The following CERT1 variants were observed in gnomAD, a reference collection of about 807,000 sequenced individuals.
CERT1 encodes ceramide transfer protein.
A neutral mutation model predicts 87.9 loss-of-function variants in CERT1; 31 were observed. The ratio of observed to expected loss-of-function variants is 0.35; its 90% confidence interval spans 0.27 to 0.48. The LOEUF is 0.48. Among genes scored for constraint, CERT1 ranks in the 20% least tolerant of loss-of-function variants. The probability of loss-of-function intolerance (pLI) is 0.99; values close to 1 mark genes in which losing one functional copy is unlikely to be tolerated. For missense variants in CERT1, 487 were observed against 758.0 expected (o/e 0.64, Z 4.20); for synonymous variants, 289 against 250.9 (o/e 1.15, Z -1.44).
intron 3 of CERT1, among the ~76,000 whole-genome samples, chr5:75,445,193 T>C (rs1368314247): frequency 6.6e-6 from 1 of 152,244 alleles, no homozygotes; most frequent in Non-Finnish European, 1.5e-5. Flanking sequence ...AATTGTGTTC[T>C]TAAACATGTA....
At chr5:75,383,693 T>C (rs1398177504) in intron 14 of CERT1, among the ~76,000 whole-genome samples, 1 of 150,634 alleles carries the variant, frequency 6.6e-6, no homozygotes, top group African/African-American at 2.4e-5. Flanking sequence ...TGTTTTCATA[T>C]ACTGCACTCA....
At chr5:75,498,683 A>G (rs1767193617) in intron 2 of CERT1, among the ~76,000 whole-genome samples, 1 of 152,236 alleles carries the variant, frequency 6.6e-6, no homozygotes, top group Non-Finnish European at 1.5e-5. Context: ...AAACACCTGG[A>G]TGTCCAGGCA....
intron 2 of CERT1, among the ~76,000 whole-genome samples, chr5:75,494,766 T>C (rs1474306162): frequency 6.6e-6 from 1 of 152,214 alleles, no homozygotes; most frequent in Admixed American, 6.5e-5. Flanking sequence ...GACCATTTGT[T>C]TTCCAGTTTC....
chr5:75,490,298 A>C (rs576718384), intron 2 of CERT1, among the ~76,000 whole-genome samples: 1 of 150,142 alleles, frequency 6.7e-6, no homozygotes, highest in East Asian at 2.0e-4. Context: ...ATACCTATGT[A>C]ACAAACCTGC....
chr5:75,385,699 G>A (rs1386512024), intron 13 of CERT1, among the ~76,000 whole-genome samples: 1 of 152,158 alleles, frequency 6.6e-6, no homozygotes, highest in Non-Finnish European at 1.5e-5. Flanking sequence ...TAGGATTACT[G>A]AGGTTATTGG....
chr5:75,368,667 C>T (rs1433967402), intron 17 of CERT1: 2 of 152,196 alleles, frequency 1.3e-5, no homozygotes, highest in African/African-American at 2.4e-5. Flanking sequence ...AGCTGGAGGA[C>T]AGGAAGAAAG....
At position 75,424,253 on chromosome 5, in the gene CERT1, T is replaced by C. The variant is rs545146273; in HGVS notation, c.595+1108A>G. Reference sequence around the variant, plus strand: ...TTCCATTTCTATTACTGATTCTTCTTCTATGAGAAAAAGGGTAGAGAAAGG... The same window carrying C: ...TTCCATTTCTATTACTGATTCTTCTCCTATGAGAAAAAGGGTAGAGAAAGG... On this transcript the variant is annotated intron_variant, in intron 5 of 16. Coordinates refer to ENST00000643780, the MANE Select transcript of CERT1 (RefSeq NM_001379029.1). Among the ~76,000 whole-genome samples, 10 of 152,242 alleles carry C rather than the reference T, an allele frequency of 6.6e-5. No homozygotes were observed. In the South Asian group the frequency reaches 2.1e-3, roughly 32 times the overall value.
intron 7 of CERT1, 132 bp downstream of exon 7, chr5:75,416,744 A>C (rs946698625): frequency 9.0e-6 from 6 of 664,870 alleles, no homozygotes; most frequent in Admixed American, 3.3e-5. Context: ...ATAAAGCTTC[A>C]GAGTAGTAGT....
chr5:75,500,753 A>C (rs1767322950), intron 2 of CERT1, among the ~76,000 whole-genome samples: 1 of 152,160 alleles, frequency 6.6e-6, no homozygotes, highest in Non-Finnish European at 1.5e-5. Flanking sequence ...TTCTTCTTGG[A>C]TTTCTCGCTA....
At chr5:75,511,864 C>G, upstream of CERT1, 3 of 1,526,482 alleles carry the variant, frequency 2.0e-6, no homozygotes, top group Non-Finnish European at 2.7e-6. Flanking sequence ...GGCGTTGGTC[C>G]GTCGCTCGCG....
chr5:75,446,332 A>C (rs1271346157), intron 3 of CERT1, among the ~76,000 whole-genome samples: 1 of 151,962 alleles, frequency 6.6e-6, no homozygotes, highest in Admixed American at 6.5e-5. Context: ...TAGCTCCATA[A>C]TTTCTTTTTG....
chr5:75,377,231 A>G (rs1425651531), downstream of CERT1: 2 of 152,358 alleles, frequency 1.3e-5, no homozygotes, highest in South Asian at 2.1e-4. Context: ...GGAAAGTTAT[A>G]AAGTTTTGTT....
At chr5:75,384,453 C>T (rs1173426065) in intron 14 of CERT1, among the ~76,000 whole-genome samples, 189 bp downstream of exon 14, 1 of 152,214 alleles carries the variant, frequency 6.6e-6, no homozygotes, top group East Asian at 1.9e-4. Context: ...CAGATTCTTG[C>T]CTGCACATAT....
intron 2 of CERT1, among the ~76,000 whole-genome samples, chr5:75,473,407 A>G (rs565348838): frequency 3.9e-5 from 6 of 152,314 alleles, no homozygotes; most frequent in Non-Finnish European, 7.3e-5. Flanking sequence ...TTAAAAGAAG[A>G]AAATGCTGTC....
chr5:75,484,731 G>C (rs1349882287), intron 2 of CERT1, among the ~76,000 whole-genome samples: 1 of 151,476 alleles, frequency 6.6e-6, no homozygotes, highest in Non-Finnish European at 1.5e-5. Context: ...GATATATAAA[G>C]CAAATATTAA....
At chr5:75,477,659 A>C (rs1165444497) in intron 2 of CERT1, among the ~76,000 whole-genome samples, 4 of 150,070 alleles carry the variant, frequency 2.7e-5, no homozygotes, top group Admixed American at 6.6e-5. Context: ...AAAAAAAAAA[A>C]AAAAAAAAAA....
chr5:75,399,440 G>C, intron 10 of CERT1, 53 bp from the exon 11 acceptor site: 2 of 1,323,710 alleles, frequency 1.5e-6, no homozygotes, highest in Non-Finnish European at 2.2e-6. Context: ...AGGCACAACA[G>C]AGCATTCAGT....
chr5:75,454,910 C>T (rs959302354), intron 3 of CERT1, among the ~76,000 whole-genome samples: 9 of 152,066 alleles, frequency 5.9e-5, no homozygotes, highest in South Asian at 2.1e-4. Flanking sequence ...TGACATGTGA[C>T]GAAAAGTGGA....
chr5:75,412,897 T>C (rs1762988242), intron 7 of CERT1, among the ~76,000 whole-genome samples: 1 of 152,208 alleles, frequency 6.6e-6, no homozygotes, highest in Non-Finnish European at 1.5e-5. Flanking sequence ...ACACTACATT[T>C]ATTTAAAAAT....
Sources: allele counts gnomAD v4.1 joint callset (sites outside exome capture counted in the v4.1 genomes callset), GRCh38; gene constraint gnomAD v4.1.1; transcripts MANE v1.5; gene names NCBI Gene and HGNC (gene_info 2026-07-23, HGNC 2026-07-21).